Variants in TECTA observed in about 807,000 individuals in gnomAD.
TECTA encodes alpha-tectorin.
A neutral mutation model predicts 216.8 loss-of-function variants in TECTA; 128 were observed. The ratio of observed to expected loss-of-function variants is 0.59; its 90% CI spans 0.51 to 0.68. The LOEUF is 0.68. Among genes scored for constraint, TECTA ranks in the 30% least tolerant of loss-of-function variants. The pLI, the probability that TECTA is intolerant of heterozygous loss-of-function variation, is 0.00. For synonymous variants in TECTA, 1,089 were observed against 1,117.1 expected, an observed-to-expected ratio of 0.97 and a Z score of 0.50; for missense variants, 2,551 against 2,786.2, an observed-to-expected ratio of 0.92 and a Z score of 1.90.
In TECTA at chr11:121,145,593, G is replaced by A. The variant is rs968652332; in HGVS notation, c.3582G>A (p.Gly1194=). 14 of 1,614,072 alleles carry A rather than the reference G, an allele frequency of 8.7e-6. No individual in the cohort carries two copies. Among genetic ancestry groups the A allele is most frequent in the African/African-American group, 1.3e-5 (1 of 74,920 alleles). The change falls in exon 12 of 24, where the codon GGG becomes GGA. Residue 1194 remains glycine (G), a synonymous_variant. Coordinates refer to ENST00000392793, the MANE Select transcript of TECTA (RefSeq NM_005422.4). The part of the protein sequence containing the change: ...SERLYLPLKL[G]QGKINIFSFG... Reference sequence around the variant, plus strand: ...GGCTCTATCTGCCCCTGAAGCTGGGGCAAGGGAAGATAAATATCTTTTCCT... The same window carrying A: ...GGCTCTATCTGCCCCTGAAGCTGGGACAAGGGAAGATAAATATCTTTTCCT...
At chr11:121,147,087 G>C (rs547031951) in intron 12 of TECTA, among the ~76,000 whole-genome samples, 1 of 152,080 alleles carries the variant, frequency 6.6e-6, no homozygotes, top group South Asian at 2.1e-4. Flanking sequence ...TGTGGGGGTG[G>C]GGGGGAAACA....
At chr11:121,109,678 C>A in intron 4 of TECTA, 180 bp downstream of exon 4, 1 of 678,802 alleles carries the variant, frequency 1.5e-6, no homozygotes, top group East Asian at 2.7e-5. Flanking sequence ...GTTAACCAGC[C>A]CAGTCAGCTG....
intron 10 of TECTA, among the ~76,000 whole-genome samples, chr11:121,135,649 G>A (rs191392433): frequency 2.5e-4 from 38 of 152,322 alleles, no homozygotes; most frequent in South Asian, 2.1e-3. Flanking sequence ...CGGTACTTGT[G>A]GGCAGAACTA....
chr11:121,125,455 T>C lies in TECTA; in HGVS notation c.1357T>C (p.Tyr453His), dbSNP rs1946599173. The stretch of plus-strand genomic sequence containing the variant: ...CGCCTCCATTTCCGTCCCAGGCTCC[T>C]ATATAAACTCCACCTGTGGACTCTG... ...HYASISVPGS[Y>H]INSTCGLCGN... is the part of the protein sequence containing the mutation. Residue 453 changes from tyrosine (Y) to histidine (H), a missense_variant, in exon 8 of 24, where the codon TAT (tyrosine) becomes CAT (histidine). Physicochemically the swap from Tyr to His is moderately conservative, Grantham distance 83 (BLOSUM62 2). Transcript: ENST00000392793. 1 of 1,614,108 alleles carries C rather than the reference T, an allele frequency of 6.2e-7. No individual in the cohort carries two copies. Among genetic ancestry groups the C allele is most frequent in the South Asian group, 1.1e-5 (1 of 91,088 alleles).
At chr11:121,175,764 G>A (rs1038780066) in intron 20 of TECTA, among the ~76,000 whole-genome samples, 3 of 152,232 alleles carry the variant, frequency 2.0e-5, no homozygotes, top group Non-Finnish European at 2.9e-5. Context: ...TTTCTGTCTC[G>A]TTGATCTGTC....
At position 121,113,496 on chromosome 11, in the gene TECTA, A is replaced by G. The variant is rs1436798334; in HGVS notation, c.625-57A>G. 77 of 1,609,340 alleles carry G rather than the reference A, an allele frequency of 4.8e-5. 1 individual carries two copies. The South Asian group carries it at 8.5e-4, about 18-fold the overall frequency. ...ATTTTAAAAATAAGGTAGTTGGGCC[A>G]GTTAACCCATGGGGAATTTTTGTAC... On this transcript the variant is annotated intron_variant, in intron 5 of 23. Transcript: ENST00000392793. This position sits in a 1 kb window ranked among gnomAD's most constrained non-coding sequence, Gnocchi z 4.2.
chr11:121,153,987 G>A (rs73583186), intron 13 of TECTA, among the ~76,000 whole-genome samples: 1,528 of 152,294 alleles, frequency 0.01, 21 homozygotes, highest in African/African-American at 0.035. Flanking sequence ...TATTGTGGGG[G>A]ATGAGAAAGC....
intron 10 of TECTA, among the ~76,000 whole-genome samples, chr11:121,135,222 G>A (rs1456340153): frequency 6.6e-6 from 1 of 152,208 alleles, no homozygotes; most frequent in East Asian, 1.9e-4. Flanking sequence ...TGAACCTAGA[G>A]AGACAACTGC....
chr11:121,137,893 C>T lies in TECTA; in HGVS notation c.3414C>T (p.Phe1138=). The part of the protein sequence containing the change: ...TTGSRPSSDS[F]PKFVVTAKNE... ...GAAGCAGGCCAAGCTCAGACTCTTT[C>T]CCCAAGTTTGTTGTCACAGCCAAGA... The change falls in exon 11 of 24, where the codon TTC becomes TTT. Residue 1138 remains phenylalanine, a synonymous_variant. Coordinates refer to ENST00000392793, the MANE Select transcript of TECTA (RefSeq NM_005422.4). The T allele has an allele frequency of 1.2e-6, 2 of 1,602,170 alleles. No individual in the cohort carries two copies. The highest frequency in any genetic ancestry group is 8.5e-7 in the Non-Finnish European group (1 of 1,170,588).
chr11:121,125,344 G>A lies in TECTA; in HGVS notation c.1246G>A (p.Gly416Arg). 1 of 1,614,072 alleles carries A rather than the reference G, an allele frequency of 6.2e-7. No homozygotes were observed. ...TTCTTTGCCTGTCACCTTAGACTTG[G>A]GGACAGTGAAAATCTACCAGAGTGG... ...VTSLPVTLDL[G>R]TVKIYQSGIS... Residue 416 changes from glycine to arginine, a missense_variant, in exon 8 of 24, where the codon GGG (glycine) becomes AGG (arginine). Around this residue, in one of 3 missense-constraint regions of TECTA, gnomAD observed 2,375 missense variants for 2,563.9 expected, o/e 0.93. Coordinates refer to ENST00000392793, the MANE Select transcript of TECTA (RefSeq NM_005422.4).
At chr11:121,140,578 C>T (rs1946774587) in intron 11 of TECTA, among the ~76,000 whole-genome samples, 1 of 152,192 alleles carries the variant, frequency 6.6e-6, no homozygotes, top group African/African-American at 2.4e-5. Flanking sequence ...CTCGTTCTCT[C>T]ACAGTTCTGG....
At position 121,133,938 on chromosome 11, in the gene TECTA, C is replaced by T. The variant is rs112435283; in HGVS notation, c.2942-3483C>T. Among the ~76,000 whole-genome samples, 7 of 152,226 alleles carry T rather than the reference C, an allele frequency of 4.6e-5. No homozygotes were observed. The South Asian group carries it at 6.2e-4, about 14-fold the overall frequency. ...TCTGTCAGTCTATCTGTCTGTCTAT[C>T]GGTCATCTTATCAATCTGGACATGG... is the stretch of plus-strand genomic sequence containing the variant. On this transcript the variant is annotated intron_variant, in intron 10 of 23. Coordinates refer to ENST00000392793, the MANE Select transcript of TECTA (RefSeq NM_005422.4).
chr11:121,178,257 C>A (rs1947189384), intron 20 of TECTA, among the ~76,000 whole-genome samples: 1 of 152,350 alleles, frequency 6.6e-6, no homozygotes, highest in South Asian at 2.1e-4. Context: ...GCAGAAATCA[C>A]CCGTCTTCTG....
intron 16 of TECTA, among the ~76,000 whole-genome samples, chr11:121,163,252 A>G (rs1011737878): frequency 3.9e-5 from 6 of 152,214 alleles, no homozygotes; most frequent in Non-Finnish European, 7.3e-5. Context: ...GCAGTTAATT[A>G]AAATACATTT....
intron 16 of TECTA, among the ~76,000 whole-genome samples, chr11:121,162,625 G>C (rs990860298): frequency 6.6e-6 from 1 of 152,196 alleles, no homozygotes; most frequent in Admixed American, 6.5e-5. Context: ...GGGCTCTCTG[G>C]GTTGGAAGAG....
chr11:121,114,311 A>T (rs1352838676), intron 6 of TECTA, among the ~76,000 whole-genome samples: 1 of 152,218 alleles, frequency 6.6e-6, no homozygotes. Flanking sequence ...AGTAAGCTGT[A>T]GTTGAACCTG....
rs561104338 is a variant in TECTA at position 121,190,990 on chromosome 11, T to C, written c.*184T>C. On this transcript the variant is annotated 3_prime_UTR_variant, in exon 24 of 24. Transcript: ENST00000392793. ...CCATCCAAGCTCCTCTTTCAGAGTA[T>C]GAAACGGGGCTTCTACAAGCCAGTT... is the stretch of plus-strand genomic sequence containing the variant. The C allele has an allele frequency of 1.3e-4, 72 of 551,240 alleles. No individual in the cohort carries two copies. The highest frequency in any genetic ancestry group is 2.9e-4 in the Admixed American group (10 of 35,018). The allele number at this position is 551,240 out of a possible 1,614,324, so 34.1% of individuals were successfully genotyped here. A position where few individuals can be genotyped will look rare whatever the true frequency, so the allele number is the denominator to read the frequency against.
chr11:121,149,100 T>TAGGTACTACTC (rs1208538867), intron 12 of TECTA, among the ~76,000 whole-genome samples: 1 of 152,238 alleles, frequency 6.6e-6, no homozygotes, highest in African/African-American at 2.4e-5. Context: ...CCCTGCCAGG[T>TAGGTACTACTC]AGGTACTACT....
chr11:121,160,856 T>C (rs1039356532), intron 15 of TECTA, among the ~76,000 whole-genome samples: 4 of 152,182 alleles, frequency 2.6e-5, no homozygotes. Flanking sequence ...GCTGTGGTTG[T>C]GTAGGCAGAA....
Sources: allele counts gnomAD v4.1 joint callset (sites outside exome capture counted in the v4.1 genomes callset), GRCh38; gene constraint gnomAD v4.1.1; regional missense constraint gnomAD v4.1.1; non-coding constraint Gnocchi (gnomAD v3.1); transcripts MANE v1.5; gene names NCBI Gene and HGNC (gene_info 2026-07-23, HGNC 2026-07-21).